The following GNAQ variants were observed in gnomAD, a reference collection of about 807,000 sequenced individuals.
GNAQ encodes the protein G protein subunit alpha q.
Under a neutral mutation model 43.9 loss-of-function variants are expected in GNAQ, and 8 were observed. That is an observed-to-expected ratio of 0.18 (90% confidence interval 0.11 to 0.33). GNAQ has a LOEUF of 0.33. GNAQ is among the 10% of genes least tolerant of loss of function. GNAQ has a pLI of 1.00. For missense variants in GNAQ, 158 were observed against 450.8 expected (o/e 0.35, Z 5.88); for synonymous variants, 155 against 170.7 (o/e 0.91, Z 0.71).
rs1030666042 is a variant in GNAQ at position 77,718,773 on chromosome 9, G to A, written c.*2550C>T. On this transcript the variant is annotated 3_prime_UTR_variant, in exon 7 of 7. Transcript: ENST00000286548. ...TTTTTGCTGCACCAAATTTAAGAAC[G>A]CCCTTTCAGGCAAGCAGTGGTCTCT... The A allele has an allele frequency of 7.5e-5, 9 of 119,752 alleles. No individual in the cohort carries two copies. The Admixed American group carries it at 7.6e-4, about 10-fold the overall frequency. 7.4% of individuals were successfully genotyped at this position (119,752 alleles called of 1,614,324 possible).
At chr9:77,737,717 T>C (rs1475607174) in intron 5 of GNAQ, among the ~76,000 whole-genome samples, 6 of 152,160 alleles carry the variant, frequency 3.9e-5, no homozygotes, top group African/African-American at 1.2e-4. Context: ...AGGAGACAAC[T>C]AGACAGACCT....
At chr9:77,814,354 A>G (rs1475582920) in intron 3 of GNAQ, among the ~76,000 whole-genome samples, 1 of 152,124 alleles carries the variant, frequency 6.6e-6, no homozygotes, top group Non-Finnish European at 1.5e-5. Context: ...GAACTATATG[A>G]AGGTATGGAA....
chr9:77,863,179 A>AAAGGAAAGAAGGAAGG (rs1827884054), intron 2 of GNAQ, among the ~76,000 whole-genome samples: 1 of 130,030 alleles, frequency 7.7e-6, no homozygotes, highest in South Asian at 2.7e-4. Flanking sequence ...CGTATGAAAG[A>AAAGGAAAGAAGGAAGG]AAGGAAGGAA....
chr9:77,795,696 T>G (rs1427128383), intron 4 of GNAQ, among the ~76,000 whole-genome samples: 1 of 152,190 alleles, frequency 6.6e-6, no homozygotes, highest in Non-Finnish European at 1.5e-5. Context: ...GCCAGAATTC[T>G]TAGATCTTCG....
At chr9:77,977,156 G>A (rs1473073802) in intron 1 of GNAQ, among the ~76,000 whole-genome samples, 1 of 152,034 alleles carries the variant, frequency 6.6e-6, no homozygotes, top group Non-Finnish European at 1.5e-5. Context: ...ACTGGATAAA[G>A]GCAACTATTT....
At chr9:77,842,661 C>G (rs772602604) in intron 2 of GNAQ, among the ~76,000 whole-genome samples, 6 of 152,080 alleles carry the variant, frequency 3.9e-5, no homozygotes, top group Non-Finnish European at 8.8e-5. Flanking sequence ...CTGAGAGATT[C>G]CCCTGGTTTC....
At chr9:77,857,354 C>A (rs983593519) in intron 2 of GNAQ, among the ~76,000 whole-genome samples, 2 of 152,140 alleles carry the variant, frequency 1.3e-5, no homozygotes. Context: ...CCCTGAAATA[C>A]CATTTTTAAC....
chr9:77,779,137 TAA>T (rs1292773534), intron 5 of GNAQ, among the ~76,000 whole-genome samples: 2 of 151,792 alleles, frequency 1.3e-5, no homozygotes, highest in Non-Finnish European at 2.9e-5. Flanking sequence ...AGCTCACACA[TAA>T]CAGTCACCAA....
intron 3 of GNAQ, among the ~76,000 whole-genome samples, chr9:77,813,122 T>C (rs569551887): frequency 2.0e-5 from 3 of 152,202 alleles, no homozygotes; most frequent in Admixed American, 6.5e-5. Flanking sequence ...ACCTGTCTAT[T>C]GGTCAGGCTG....
At chr9:77,940,696 G>A (rs1328649206) in intron 1 of GNAQ, among the ~76,000 whole-genome samples, 2 of 152,150 alleles carry the variant, frequency 1.3e-5, no homozygotes, top group East Asian at 3.9e-4. Context: ...GGCTGCGCGC[G>A]GTGGCTCACG....
chr9:77,920,137 CA>C (rs879842743), intron 2 of GNAQ, among the ~76,000 whole-genome samples: 1,669 of 128,556 alleles, frequency 0.013, 30 homozygotes, highest in African/African-American at 0.04. Flanking sequence ...GACTCTGTCT[CA>C]AAAAAAAAAA....
chr9:77,934,403 T>C (rs2118318568), intron 1 of GNAQ, among the ~76,000 whole-genome samples: 1 of 152,296 alleles, frequency 6.6e-6, no homozygotes, highest in South Asian at 2.1e-4. Flanking sequence ...GTAGTCTTCT[T>C]TCAAGGTTAA....
chr9:77,731,489 T>C (rs986991701), intron 5 of GNAQ, among the ~76,000 whole-genome samples: 20 of 152,216 alleles, frequency 1.3e-4, no homozygotes, highest in Admixed American at 1.1e-3. Context: ...CCATGTGGAC[T>C]GAAGCCTGCG....
At chr9:77,863,357 A>G (rs1037514225) in intron 2 of GNAQ, among the ~76,000 whole-genome samples, 3 of 152,206 alleles carry the variant, frequency 2.0e-5, no homozygotes, top group African/African-American at 7.2e-5. Flanking sequence ...TTGTTAAAAC[A>G]TAACAAGAGT....
chr9:77,826,603 T>C (rs991285351), intron 2 of GNAQ, among the ~76,000 whole-genome samples: 1 of 152,212 alleles, frequency 6.6e-6, no homozygotes, highest in Non-Finnish European at 1.5e-5. Context: ...GGTGGTCATA[T>C]GCACAGTGTT....
intron 1 of GNAQ, among the ~76,000 whole-genome samples, chr9:77,950,305 T>A (rs1293564417): frequency 6.6e-6 from 1 of 152,218 alleles, no homozygotes; most frequent in East Asian, 1.9e-4. Flanking sequence ...GCTTGCTCAC[T>A]TCTTAGTGCT....
chr9:77,807,029 G>C (rs891556255), intron 3 of GNAQ, among the ~76,000 whole-genome samples: 4 of 152,204 alleles, frequency 2.6e-5, no homozygotes, highest in Admixed American at 1.3e-4. Flanking sequence ...GCTTCTGTGA[G>C]ATTAGAACTT....
chr9:77,971,363 C>G (rs1002739137), intron 1 of GNAQ, among the ~76,000 whole-genome samples: 2 of 152,124 alleles, frequency 1.3e-5, no homozygotes, highest in African/African-American at 4.8e-5. Context: ...TGATGAACAT[C>G]GATGCAAAAA....
chr9:77,886,052 C>T (rs1045935419), intron 2 of GNAQ, among the ~76,000 whole-genome samples: 1 of 152,172 alleles, frequency 6.6e-6, no homozygotes. Flanking sequence ...TCTCGGTTCA[C>T]TGCAACCTCC....
Sources: gnomAD v4.1 joint callset for allele counts (sites outside exome capture counted in the v4.1 genomes callset) on GRCh38, gnomAD v4.1.1 for gene constraint, MANE v1.5 for transcripts, NCBI Gene and HGNC (gene_info 2026-07-23, HGNC 2026-07-21) for gene names.